Variants in EPHB1 observed in about 807,000 individuals in gnomAD.
The protein encoded by EPHB1 is ephrin type-B receptor 1.
Under a neutral mutation model 94.4 loss-of-function variants are expected in EPHB1, and 30 were observed. That is an observed-to-expected ratio of 0.32 (90% CI 0.24 to 0.43). EPHB1 has a LOEUF of 0.43. Among genes scored for constraint, EPHB1 ranks in the 20% least tolerant of loss-of-function variants. The pLI, the probability that EPHB1 is intolerant of heterozygous loss-of-function variation, is 1.00. For missense variants in EPHB1, 1,055 were observed against 1,308.3 expected, an observed-to-expected ratio of 0.81 and a Z score of 2.99; for synonymous variants, 522 against 489.1, an observed-to-expected ratio of 1.07 and a Z score of -0.89.
chr3:135,146,534 C>T (rs1941016863), intron 5 of EPHB1, among the ~76,000 whole-genome samples: 1 of 152,210 alleles, frequency 6.6e-6, no homozygotes, highest in Non-Finnish European at 1.5e-5. Context: ...TCCAGAGTCA[C>T]TCGGTCTCCT....
chr3:134,837,222 A>G (rs922364273), intron 1 of EPHB1, among the ~76,000 whole-genome samples: 1 of 152,262 alleles, frequency 6.6e-6, no homozygotes, highest in African/African-American at 2.4e-5. Context: ...TCTTTAAAAT[A>G]TTAAAATAAT....
At chr3:134,967,179 A>T (rs1933791864) in intron 3 of EPHB1, among the ~76,000 whole-genome samples, 1 of 152,258 alleles carries the variant, frequency 6.6e-6, no homozygotes, top group Non-Finnish European at 1.5e-5. Context: ...ACTTTTAAGT[A>T]AGTGCTATGC....
intron 1 of EPHB1, among the ~76,000 whole-genome samples, chr3:134,815,559 C>T (rs2108287698): frequency 6.6e-6 from 1 of 152,268 alleles, no homozygotes; most frequent in Non-Finnish European, 1.5e-5. Context: ...TCCATTCATG[C>T]AACTTTCTTG....
At chr3:135,074,690 G>A (rs1937847052) in intron 3 of EPHB1, among the ~76,000 whole-genome samples, 1 of 152,168 alleles carries the variant, frequency 6.6e-6, no homozygotes, top group African/African-American at 2.4e-5. Flanking sequence ...CTATACTGTG[G>A]CTTTGGGCCA....
At chr3:135,064,922 T>A (rs1229931694) in intron 3 of EPHB1, among the ~76,000 whole-genome samples, 54 of 152,104 alleles carry the variant, frequency 3.6e-4, no homozygotes, top group Non-Finnish European at 4.4e-5. Flanking sequence ...TCCTTCAGTT[T>A]GAAACATTTT....
At chr3:135,226,399 A>T (rs559141829) in intron 12 of EPHB1, among the ~76,000 whole-genome samples, 1 of 152,270 alleles carries the variant, frequency 6.6e-6, no homozygotes, top group Non-Finnish European at 1.5e-5. Flanking sequence ...GAATGAATTA[A>T]GAAATTCACG....
Position 134,847,693 on chromosome 3 carries a change from CAG to C in EPHB1, c.58+52007_58+52008del, listed in dbSNP as rs1243390684. Among the ~76,000 whole-genome samples the C allele has an allele frequency of 3.9e-5, 6 of 152,322 alleles. No homozygotes were observed. The South Asian group carries it at 6.2e-4, about 16-fold the overall frequency. ...CCAGGGTGCATCCTCACGAGTATCACAGAGTCACCCGAGGGAGCTATTTCCAC... is the reference window on the plus strand; with the variant it reads ...CCAGGGTGCATCCTCACGAGTATCACAGTCACCCGAGGGAGCTATTTCCAC... On this transcript the variant is annotated intron_variant, in intron 1 of 15. Coordinates refer to ENST00000398015, the MANE Select transcript of EPHB1 (RefSeq NM_004441.5).
intron 4 of EPHB1, among the ~76,000 whole-genome samples, chr3:135,109,023 C>A (rs1306036858): frequency 3.3e-5 from 5 of 152,100 alleles, no homozygotes; most frequent in Non-Finnish European, 4.4e-5. Flanking sequence ...AAGGTGCAGC[C>A]CCACCAGCAG....
Position 135,180,065 on chromosome 3 carries a change from T to C in EPHB1, c.1882+83T>C, listed in dbSNP as rs959528026. ...CCACCCTAGATGGTCTCTTTCAGTA[T>C]GAAAAGCCCCATTAGGAGGAGAGCT... On this transcript the variant is annotated intron_variant, in intron 10 of 15. Transcript: ENST00000398015. The C allele has an allele frequency of 4.6e-6, 7 of 1,530,960 alleles. No individual in the cohort carries two copies. In the East Asian group the frequency reaches 1.1e-4, roughly 25 times the overall value. The allele number at this position is 1,530,960 out of a possible 1,614,324, so 94.8% of individuals were successfully genotyped here.
intron 3 of EPHB1, among the ~76,000 whole-genome samples, chr3:135,075,576 G>T (rs2107784133): frequency 6.6e-6 from 1 of 152,278 alleles, no homozygotes; most frequent in East Asian, 1.9e-4. Flanking sequence ...ACAGCTAGGA[G>T]CTGATGGGCT....
rs1017607440 is a variant in EPHB1, at chr3:135,030,546, G to A, written c.806-75902G>A. 5.3e-5 allele frequency among the ~76,000 whole-genome samples: 8 copies of A among 152,306 alleles called. No homozygotes were observed. In the East Asian group the frequency reaches 1.5e-3, roughly 29 times the overall value. Reference sequence around the variant, plus strand: ...CCAGTTAGGCTGGTCGGGGGTCAGGGGTCAGGGACCCACTTGAGGAGGCAG... The same window carrying A: ...CCAGTTAGGCTGGTCGGGGGTCAGGAGTCAGGGACCCACTTGAGGAGGCAG... On this transcript the variant is annotated intron_variant, in intron 3 of 15. Transcript: ENST00000398015.
intron 12 of EPHB1, among the ~76,000 whole-genome samples, chr3:135,237,261 G>C (rs769874594): frequency 6.8e-6 from 1 of 146,386 alleles, no homozygotes; most frequent in Non-Finnish European, 1.5e-5. Context: ...ATATCTTCTC[G>C]TAGTTCACCA....
chr3:134,847,889 G>A (rs1560260913), intron 1 of EPHB1, among the ~76,000 whole-genome samples: 1 of 152,206 alleles, frequency 6.6e-6, no homozygotes, highest in African/African-American at 2.4e-5. Flanking sequence ...ACAGCGTTTA[G>A]ATTGTGTGGT....
chr3:135,002,352 A>T (rs1254437894), intron 3 of EPHB1, among the ~76,000 whole-genome samples: 1 of 152,196 alleles, frequency 6.6e-6, no homozygotes, highest in Non-Finnish European at 1.5e-5. Flanking sequence ...TCGTTTTGCC[A>T]GTATTTTATT....
intron 1 of EPHB1, among the ~76,000 whole-genome samples, chr3:134,889,626 T>G (rs2037928125): frequency 6.6e-6 from 1 of 151,716 alleles, no homozygotes; most frequent in Admixed American, 6.6e-5. Flanking sequence ...ACTATTTGCC[T>G]CTTACAGCTC....
intron 3 of EPHB1, among the ~76,000 whole-genome samples, chr3:135,046,870 G>A (rs997916426): frequency 2.0e-5 from 3 of 152,184 alleles, no homozygotes; most frequent in Admixed American, 6.5e-5. Context: ...CTGAACACTC[G>A]ATAAGCAGTA....
At chr3:134,869,319 C>T (rs1254847413) in intron 1 of EPHB1, among the ~76,000 whole-genome samples, 4 of 152,274 alleles carry the variant, frequency 2.6e-5, no homozygotes, top group African/African-American at 9.6e-5. Context: ...TTTCTTGTTG[C>T]ACCTCTGTTG....
chr3:135,042,204 C>CTATG (rs1315083121), intron 3 of EPHB1, among the ~76,000 whole-genome samples: 7 of 152,278 alleles, frequency 4.6e-5, no homozygotes, highest in African/African-American at 1.7e-4. Flanking sequence ...AGTGTTGGTG[C>CTATG]TATGGTATGA....
chr3:135,238,359 G>A (rs958942108), intron 12 of EPHB1, among the ~76,000 whole-genome samples: 10 of 152,280 alleles, frequency 6.6e-5, no homozygotes, highest in Non-Finnish European at 1.0e-4. Context: ...GGGGGGCGGC[G>A]GTGACAGCCC....
Sources: gnomAD v4.1 joint callset for allele counts (sites outside exome capture counted in the v4.1 genomes callset) on GRCh38, gnomAD v4.1.1 for gene constraint, MANE v1.5 for transcripts, NCBI Gene and HGNC (gene_info 2026-07-23, HGNC 2026-07-21) for gene names.